MDM4: variants seen among roughly 807,000 people sequenced by gnomAD.
MDM4 encodes protein Mdm4.
In MDM4, 2 loss-of-function variants were observed where a neutral mutation model predicts 60.2. The observed-to-expected ratio is 0.03, with a 90% confidence interval of 0.01 to 0.10. The LOEUF is 0.10. Ranked by LOEUF, MDM4 falls within the 10% of genes least tolerant of loss-of-function variation. The pLI, the probability that MDM4 is intolerant of heterozygous loss-of-function variation, is 1.00. For synonymous variants in MDM4, 202 were observed against 198.1 expected, an observed-to-expected ratio of 1.02 and a Z score of -0.17; for missense variants, 447 against 577.5, an observed-to-expected ratio of 0.77 and a Z score of 2.32.
intron 7 of MDM4, among the ~76,000 whole-genome samples, chr1:204,539,922 A>G (rs1443238372): frequency 3.3e-5 from 5 of 152,202 alleles, no homozygotes; most frequent in African/African-American, 4.8e-5. Flanking sequence ...AGTTTCATGC[A>G]CGGAATTATT....
intron 1 of MDM4, among the ~76,000 whole-genome samples, chr1:204,516,746 C>G (rs866737318): frequency 6.6e-6 from 1 of 152,126 alleles, no homozygotes; most frequent in Non-Finnish European, 1.5e-5. Flanking sequence ...TAACTTTGGC[C>G]AACAGGTGAC....
Position 204,532,852 on chromosome 1 carries a change from T to C in MDM4, c.343+606T>C. The C allele has an allele frequency of 1.9e-6, 3 of 1,594,484 alleles. No individual in the cohort carries two copies. The South Asian group carries it at 3.5e-5, about 18-fold the overall frequency. On this transcript the variant is annotated intron_variant, in intron 5 of 10. Transcript: ENST00000367182. ...TGTGATTTTGTTTAATGTGTTTCTT[T>C]ACCCTCTCTATTTTTGGTAAACTGG...
chr1:204,529,911 C>CT (rs1268509411), intron 3 of MDM4, among the ~76,000 whole-genome samples: 3 of 152,184 alleles, frequency 2.0e-5, no homozygotes, highest in Non-Finnish European at 4.4e-5. Flanking sequence ...GGGTCTTACT[C>CT]TGTCACCCAT....
intron 1 of MDM4, among the ~76,000 whole-genome samples, chr1:204,520,745 G>A (rs867442135): frequency 5.3e-5 from 8 of 152,020 alleles, no homozygotes; most frequent in African/African-American, 1.2e-4. Flanking sequence ...GAATGGTGGC[G>A]CATGCCTGTA....
In MDM4 at chr1:204,554,440, C is replaced by T. The variant is rs531048148; in HGVS notation, c.*4758C>T. 2 of 226,098 alleles carry T rather than the reference C, an allele frequency of 8.8e-6. No individual in the cohort carries two copies. Among genetic ancestry groups the T allele is most frequent in the East Asian group, 1.3e-4 (2 of 15,624 alleles). The allele number at this position is 226,098 out of a possible 1,614,324, so 14.0% of individuals were successfully genotyped here. A position where few individuals can be genotyped will look rare whatever the true frequency, so the allele number is the denominator to read the frequency against. On this transcript the variant is annotated 3_prime_UTR_variant, in exon 11 of 11. Coordinates refer to ENST00000367182, the MANE Select transcript of MDM4 (RefSeq NM_002393.5). Reference sequence around the variant, plus strand: ...TGTTTTGATCCTGATGCTACCTTTGCTAAAAATGGCCATAGATTAGGAACT... The same window carrying T: ...TGTTTTGATCCTGATGCTACCTTTGTTAAAAATGGCCATAGATTAGGAACT...
rs1663594470 is a variant in MDM4, at chr1:204,557,290, T to C, written c.*7608T>C. 5.3e-6 allele frequency: 1 copy of C among 189,868 alleles called. No individual in the cohort carries two copies. Among genetic ancestry groups the C allele is most frequent in the Non-Finnish European group, 1.1e-5 (1 of 90,532 alleles). The allele number at this position is 189,868 out of a possible 1,614,324, so 11.8% of individuals were successfully genotyped here. A position where few individuals can be genotyped will look rare whatever the true frequency, so the allele number is the denominator to read the frequency against. ...TAGTTTAGGTATTCTTTCTTTGATA[T>C]GAGGCTCTTGACCAGAAAAGAGTTC... On this transcript the variant is annotated 3_prime_UTR_variant, in exon 11 of 11. Coordinates refer to ENST00000367182, the MANE Select transcript of MDM4 (RefSeq NM_002393.5).
intron 9 of MDM4, among the ~76,000 whole-genome samples, chr1:204,545,264 GAAAGATA>G (rs562739383): frequency 1.0e-3 from 159 of 152,208 alleles, no homozygotes; most frequent in Non-Finnish European, 1.5e-3. Flanking sequence ...TACCTAAATG[GAAAGATA>G]AGATTATTTC....
chr1:204,544,488 G>C (rs371952145), intron 8 of MDM4, 47 bp from the exon 9 acceptor site: 2 of 1,562,026 alleles, frequency 1.3e-6, no homozygotes, highest in Non-Finnish European at 1.7e-6. Context: ...CAACATCTCT[G>C]ATAAACCTCT....
In MDM4 at chr1:204,532,902, AAATTTT is replaced by A. The variant is rs1661015613; in HGVS notation, c.343+657_343+662del. The A allele has an allele frequency of 1.2e-5, 18 of 1,528,168 alleles. No individual in the cohort carries two copies. In the South Asian group the frequency reaches 2.2e-4, roughly 19 times the overall value. 94.7% of individuals were successfully genotyped at this position (1,528,168 alleles called of 1,614,324 possible). ...GTAGTGCTTGAATAAATTCAAGTTT[AAATTTT>A]TTGCCAAGAAAGCTTTATAGGTAAT... On this transcript the variant is annotated intron_variant, in intron 5 of 10. Coordinates refer to ENST00000367182, the MANE Select transcript of MDM4 (RefSeq NM_002393.5).
At position 204,549,248 on chromosome 1, in the gene MDM4, A is replaced by G; in HGVS notation, c.1039A>G (p.Thr347Ala). 1 of 1,614,192 alleles carries G rather than the reference A, an allele frequency of 6.2e-7. No homozygotes were observed. Among genetic ancestry groups the G allele is most frequent in the Non-Finnish European group, 8.5e-7 (1 of 1,180,000 alleles). ...CCATTCTCTCTCCACGTCTGATATC[A>G]CTGCCATACCTGAAAAGGAAAATGA... ...LTHSLSTSDI[T>A]AIPEKENEGN... is the part of the protein sequence containing the mutation. The change falls in exon 11 of 11, where the codon ACT becomes GCT. Residue 347 changes from threonine to alanine, a missense_variant. Thr to Ala is a moderately conservative substitution (Grantham distance 58, BLOSUM62 0). Transcript: ENST00000367182.
At chr1:204,542,515 T>C (rs186058428) in intron 7 of MDM4, among the ~76,000 whole-genome samples, 102 of 152,262 alleles carry the variant, frequency 6.7e-4, no homozygotes, top group Non-Finnish European at 1.3e-3. Flanking sequence ...CTTTTTTTTT[T>C]CCTGTCTTCT....
chr1:204,529,639 T>A, intron 3 of MDM4: 1 of 935,082 alleles, frequency 1.1e-6, no homozygotes, highest in Non-Finnish European at 1.6e-6. Context: ...CCGGAGGGGT[T>A]CCTGGCGCTT....
chr1:204,537,141 A>C (rs1056507442), intron 5 of MDM4: 25 of 385,744 alleles, frequency 6.5e-5, no homozygotes, highest in Non-Finnish European at 1.1e-4. Flanking sequence ...ACCAGTTTTC[A>C]TATAAAAATT....
chr1:204,525,293 T>C, intron 1 of MDM4, 191 bp from the exon 2 acceptor site: 43 of 982,444 alleles, frequency 4.4e-5, no homozygotes, highest in Non-Finnish European at 5.2e-5. Flanking sequence ...ATTCTTACTC[T>C]TAATTAAATC....
chr1:204,553,075 G>C lies in MDM4; in HGVS notation c.*3393G>C, dbSNP rs1663339856. 1 of 170,956 alleles carries C rather than the reference G, an allele frequency of 5.8e-6. No individual in the cohort carries two copies. 10.6% of individuals were successfully genotyped at this position (170,956 alleles called of 1,614,324 possible). A position where few individuals can be genotyped will look rare whatever the true frequency, so the allele number is the denominator to read the frequency against. On this transcript the variant is annotated 3_prime_UTR_variant, in exon 11 of 11. Coordinates refer to ENST00000367182, the MANE Select transcript of MDM4 (RefSeq NM_002393.5). ...TTTTTAGTAGAGATGGTTTCACCAT[G>C]TTGGTCAGGCTGGTCTCGAACTCCT...
intron 7 of MDM4, among the ~76,000 whole-genome samples, chr1:204,538,900 C>T (rs577772277): frequency 1.5e-5 from 2 of 135,846 alleles, no homozygotes; most frequent in Admixed American, 8.2e-5. Flanking sequence ...GACGGAGTCT[C>T]ATTCTTGTTA....
At chr1:204,538,433 C>G in intron 7 of MDM4, 125 bp downstream of exon 7, 1 of 632,526 alleles carries the variant, frequency 1.6e-6, no homozygotes, top group Non-Finnish European at 2.8e-6. Flanking sequence ...TTTCTGAAAA[C>G]CTTTTTATCA....
At chr1:204,518,161 A>G (rs1045555427) in intron 1 of MDM4, among the ~76,000 whole-genome samples, 1 of 152,132 alleles carries the variant, frequency 6.6e-6, no homozygotes, top group Non-Finnish European at 1.5e-5. Flanking sequence ...GTCTCAAAAA[A>G]AGAGATGAGG....
intron 3 of MDM4, chr1:204,529,212 C>A: frequency 1.4e-6 from 1 of 739,458 alleles, no homozygotes; most frequent in Non-Finnish European, 2.4e-6. Context: ...TCTTGTCAAA[C>A]ATGTTTATCA....
Sources: gnomAD v4.1 joint callset for allele counts (sites outside exome capture counted in the v4.1 genomes callset) on GRCh38, gnomAD v4.1.1 for gene constraint, MANE v1.5 for transcripts, NCBI Gene and HGNC (gene_info 2026-07-23, HGNC 2026-07-21) for gene names.